The following MRPL45 variants were observed in gnomAD, a reference collection of about 807,000 sequenced individuals.
The protein encoded by MRPL45 is large ribosomal subunit protein mL45.
A neutral mutation model predicts 38.1 loss-of-function variants in MRPL45; 20 were observed. The observed-to-expected ratio is 0.53, with a 90% confidence interval of 0.37 to 0.76. MRPL45 has a LOEUF of 0.76. Ranked by LOEUF, MRPL45 falls within the 30% of genes least tolerant of loss-of-function variation. The pLI, the probability that MRPL45 is intolerant of heterozygous loss-of-function variation, is 0.00. For synonymous variants in MRPL45, 105 were observed against 128.8 expected, an observed-to-expected ratio of 0.82 and a Z score of 1.25; for missense variants, 337 against 395.6, an observed-to-expected ratio of 0.85 and a Z score of 1.26.
chr17:38,306,777 A>G, intron 4 of MRPL45, 146 bp downstream of exon 4: 1 of 816,598 alleles, frequency 1.2e-6, no homozygotes, highest in East Asian at 2.7e-5. Flanking sequence ...AACTTCCTAT[A>G]TTGGAAGTAA....
At chr17:38,302,486 CAA>C (rs1301214106) in intron 3 of MRPL45, among the ~76,000 whole-genome samples, 168 of 55,748 alleles carry the variant, frequency 3.0e-3, no homozygotes, top group Middle Eastern at 0.026. Flanking sequence ...GACTCCATCT[CAA>C]AAAAAAAAAA....
intron 3 of MRPL45, among the ~76,000 whole-genome samples, chr17:38,301,315 C>T (rs936306881): frequency 6.6e-6 from 1 of 152,100 alleles, no homozygotes; most frequent in African/African-American, 2.4e-5. Context: ...AATCTCGGCT[C>T]ACCACAACCT....
intron 4 of MRPL45, among the ~76,000 whole-genome samples, chr17:38,314,053 A>T (rs1597653210): frequency 6.6e-6 from 1 of 152,162 alleles, no homozygotes; most frequent in African/African-American, 2.4e-5. Flanking sequence ...TTTATCAGAT[A>T]TATGCTGTGC....
At chr17:38,304,551 AT>A (rs71254281) in intron 3 of MRPL45, among the ~76,000 whole-genome samples, 8 of 150,232 alleles carry the variant, frequency 5.3e-5, no homozygotes, top group Non-Finnish European at 7.4e-5. Flanking sequence ...TTTTTATTTT[AT>A]TTTTTTTTTG....
chr17:38,303,632 T>C (rs1313231687), intron 3 of MRPL45, among the ~76,000 whole-genome samples: 1 of 151,960 alleles, frequency 6.6e-6, no homozygotes, highest in Non-Finnish European at 1.5e-5. Flanking sequence ...TTTCAAGAAA[T>C]CCCTCCTGGA....
At chr17:38,300,606 T>C (rs1268777802) in intron 3 of MRPL45, among the ~76,000 whole-genome samples, 1 of 152,170 alleles carries the variant, frequency 6.6e-6, no homozygotes, top group Non-Finnish European at 1.5e-5. Flanking sequence ...ATAAGTATAT[T>C]GAGTCAGTAT....
intron 6 of MRPL45, 139 bp downstream of exon 6, chr17:38,320,906 C>T (rs771334799): frequency 4.4e-4 from 343 of 784,154 alleles, no homozygotes; most frequent in Non-Finnish European, 5.3e-4. Context: ...CTTGCTGTGC[C>T]GCTGTCCCCT....
chr17:38,313,345 T>C (rs1297289159), intron 4 of MRPL45, among the ~76,000 whole-genome samples: 20 of 19,452 alleles, frequency 1.0e-3, no homozygotes, highest in Non-Finnish European at 1.5e-3. Context: ...TATATATATA[T>C]ACGTATATAT....
At chr17:38,305,487 G>A in intron 3 of MRPL45, among the ~76,000 whole-genome samples, 2 of 148,114 alleles carry the variant, frequency 1.4e-5, no homozygotes, top group African/African-American at 5.0e-5. Context: ...AAAAAAAGAA[G>A]CCCAGTGTTA....
Position 38,300,292 on chromosome 17 carries a change from A to G in MRPL45, c.362+824A>G, listed in dbSNP as rs1422767397. Among the ~76,000 whole-genome samples, 4 of 152,112 alleles carry G rather than the reference A, an allele frequency of 2.6e-5. No homozygotes were observed. In the East Asian group the frequency reaches 7.8e-4, roughly 30 times the overall value. On this transcript the variant is annotated intron_variant, in intron 3 of 7. Coordinates refer to ENST00000613675, the MANE Select transcript of MRPL45 (RefSeq NM_032351.6). ...CAGCCTCCTGAAGTGCTGGGATTAC[A>G]GGCGTGAGCCACTGCGCCCAGCCGA...
intron 4 of MRPL45, among the ~76,000 whole-genome samples, chr17:38,315,077 A>T (rs2037160562): frequency 6.6e-6 from 1 of 152,228 alleles, no homozygotes; most frequent in Non-Finnish European, 1.5e-5. Flanking sequence ...ACAGGATGAA[A>T]AATGAGGAAT....
intron 3 of MRPL45, among the ~76,000 whole-genome samples, chr17:38,305,410 T>C (rs888392367): frequency 4.9e-5 from 7 of 141,812 alleles, no homozygotes; most frequent in East Asian, 2.3e-4. Context: ...GAGGTTGCAG[T>C]GAGCCGAGAT....
At chr17:38,311,652 C>T (rs1481129045) in intron 4 of MRPL45, among the ~76,000 whole-genome samples, 1 of 146,270 alleles carries the variant, frequency 6.8e-6, no homozygotes, top group African/African-American at 2.5e-5. Context: ...CACCACTGCA[C>T]TCCAGCCTGG....
At chr17:38,322,420 G>C (rs1694494539) in intron 7 of MRPL45, 89 bp from the exon 8 acceptor site, 21 of 1,008,720 alleles carry the variant, frequency 2.1e-5, no homozygotes, top group Non-Finnish European at 3.0e-5. Flanking sequence ...GGAAGGCCGG[G>C]TGGGTGGGTG....
chr17:38,321,609 T>A lies in MRPL45; in HGVS notation c.661-517T>A, dbSNP rs1597657762. Among the ~76,000 whole-genome samples the A allele has an allele frequency of 2.6e-5, 4 of 152,086 alleles. No homozygotes were observed. The East Asian group carries it at 7.7e-4, about 29-fold the overall frequency. On this transcript the variant is annotated intron_variant, in intron 6 of 7. Transcript: ENST00000613675. ...AGGAGGCTGAGGCAGGAGAATCGCT[T>A]GAACCTGGAAGGCGGAGGTTGCAGT...
intron 3 of MRPL45, among the ~76,000 whole-genome samples, chr17:38,303,880 C>G (rs1268805319): frequency 6.6e-6 from 1 of 152,152 alleles, no homozygotes; most frequent in Non-Finnish European, 1.5e-5. Flanking sequence ...GTGTGCGCCA[C>G]CACGCCCAGC....
intron 7 of MRPL45, 47 bp from the exon 8 acceptor site, chr17:38,322,462 C>G (rs73302946): frequency 9.2e-6 from 14 of 1,526,284 alleles, no homozygotes; most frequent in African/African-American, 1.4e-5. Flanking sequence ...TCTTCTGGGT[C>G]AGCCATGGGC....
chr17:38,320,476 G>C, intron 5 of MRPL45, 142 bp from the exon 6 acceptor site: 1 of 826,834 alleles, frequency 1.2e-6, no homozygotes, highest in Non-Finnish European at 1.9e-6. Context: ...AGGTGCAAGA[G>C]AAAATAGGCA....
intron 4 of MRPL45, among the ~76,000 whole-genome samples, chr17:38,310,531 A>T (rs1231817072): frequency 6.6e-6 from 1 of 151,926 alleles, no homozygotes; most frequent in East Asian, 1.9e-4. Flanking sequence ...ATTTCACCAT[A>T]TTGGTCAGGC....
Sources: allele counts gnomAD v4.1 joint callset (sites outside exome capture counted in the v4.1 genomes callset), GRCh38; gene constraint gnomAD v4.1.1; transcripts MANE v1.5; gene names NCBI Gene and HGNC (gene_info 2026-07-23, HGNC 2026-07-21).